KCNJ3: variants seen among roughly 807,000 people sequenced by gnomAD.
The protein encoded by KCNJ3 is potassium inwardly rectifying channel subfamily J member 3.
In KCNJ3, 4 loss-of-function variants were observed where a neutral mutation model predicts 39.2. That is an observed-to-expected ratio of 0.10 (90% confidence interval 0.05 to 0.23). The LOEUF (loss-of-function observed/expected upper bound fraction) is 0.23, where lower values mean the gene tolerates loss of function less well. Ranked by LOEUF, KCNJ3 falls within the 10% of genes least tolerant of loss-of-function variation. The pLI, the probability that KCNJ3 is intolerant of heterozygous loss-of-function variation, is 1.00. For missense variants in KCNJ3, 276 were observed against 634.9 expected, an observed-to-expected ratio of 0.43 and a Z score of 6.08; for synonymous variants, 230 against 237.4, an observed-to-expected ratio of 0.97 and a Z score of 0.29.
intron 2 of KCNJ3, among the ~76,000 whole-genome samples, chr2:154,845,037 A>C (rs1398066082): frequency 6.6e-6 from 1 of 152,208 alleles, no homozygotes; most frequent in Admixed American, 6.5e-5. Context: ...TGCGTTGATC[A>C]CATTGGGAGC....
At position 154,736,374 on chromosome 2, in the gene KCNJ3, T is replaced by TAAAAAAAAAAAAAAAAAAAAAAAAAA. The variant is rs70983745; in HGVS notation, c.919+26570_919+26595dup. ...AGAGAGTGACAGGAGTCACTAGTTC[T>TAAAAAAAAAAAAAAAAAAAAAAAAAA]AAAAAAAAAAAAAAAAAAAAAAAAA... On this transcript the variant is annotated intron_variant, in intron 2 of 2. Coordinates refer to ENST00000295101, the MANE Select transcript of KCNJ3 (RefSeq NM_002239.4). Among the ~76,000 whole-genome samples the TAAAAAAAAAAAAAAAAAAAAAAAAAA allele has an allele frequency of 3.2e-5, 3 of 93,228 alleles. 1 individual carries two copies. Among genetic ancestry groups the TAAAAAAAAAAAAAAAAAAAAAAAAAA allele is most frequent in the African/African-American group, 1.2e-4 (3 of 25,580 alleles). The allele number at this position is 93,228 out of a possible 152,430, so 61.2% of individuals were successfully genotyped here. A position where few individuals can be genotyped will look rare whatever the true frequency, so the allele number is the denominator to read the frequency against.
intron 2 of KCNJ3, among the ~76,000 whole-genome samples, chr2:154,844,639 C>T (rs748477001): frequency 4.0e-5 from 6 of 151,258 alleles, no homozygotes; most frequent in Admixed American, 1.3e-4. Context: ...TTTATCTACT[C>T]AAGCCTCAGC....
At chr2:154,741,236 C>G (rs1328983565) in intron 2 of KCNJ3, among the ~76,000 whole-genome samples, 1 of 151,908 alleles carries the variant, frequency 6.6e-6, no homozygotes, top group Non-Finnish European at 1.5e-5. Context: ...AGTCACACAG[C>G]TAGTTAATGG....
At chr2:154,788,796 A>G (rs1686579390) in intron 2 of KCNJ3, among the ~76,000 whole-genome samples, 1 of 151,822 alleles carries the variant, frequency 6.6e-6, no homozygotes, top group African/African-American at 2.4e-5. Flanking sequence ...AAAGAAACTC[A>G]GGTGTAAGAA....
At chr2:154,796,010 T>A (rs1004981755) in intron 2 of KCNJ3, among the ~76,000 whole-genome samples, 2 of 152,162 alleles carry the variant, frequency 1.3e-5, no homozygotes, top group Non-Finnish European at 2.9e-5. Flanking sequence ...AGTGTTCTTT[T>A]CTTTCCCCCT....
At chr2:154,794,368 G>C (rs1003979817) in intron 2 of KCNJ3, among the ~76,000 whole-genome samples, 2 of 151,848 alleles carry the variant, frequency 1.3e-5, no homozygotes, top group African/African-American at 4.8e-5. Flanking sequence ...CTTGCAAAAT[G>C]TTAACATTTT....
intron 1 of KCNJ3, among the ~76,000 whole-genome samples, chr2:154,703,218 T>C (rs1425989466): frequency 6.6e-6 from 1 of 152,022 alleles, no homozygotes; most frequent in Non-Finnish European, 1.5e-5. Flanking sequence ...TCAGCACACA[T>C]TTTTTACATA....
intron 2 of KCNJ3, among the ~76,000 whole-genome samples, chr2:154,828,418 G>A (rs1045384201): frequency 2.6e-5 from 4 of 152,214 alleles, no homozygotes; most frequent in Admixed American, 6.5e-5. Flanking sequence ...TGGGAGTGGG[G>A]AAGGTTGAGT....
intron 2 of KCNJ3, among the ~76,000 whole-genome samples, chr2:154,769,604 G>T (rs1025919353): frequency 6.6e-6 from 1 of 152,076 alleles, no homozygotes; most frequent in Non-Finnish European, 1.5e-5. Flanking sequence ...TTTTATTGAG[G>T]TTTTTGTGTC....
intron 2 of KCNJ3, among the ~76,000 whole-genome samples, chr2:154,830,517 G>A (rs1396993715): frequency 1.3e-5 from 2 of 152,230 alleles, no homozygotes; most frequent in Non-Finnish European, 1.5e-5. Context: ...CGCTTCGTGT[G>A]TTTCAAACTT....
chr2:154,731,979 C>T (rs1685456369), intron 2 of KCNJ3, among the ~76,000 whole-genome samples: 1 of 151,518 alleles, frequency 6.6e-6, no homozygotes, highest in African/African-American at 2.4e-5. Flanking sequence ...TGTTAAAATA[C>T]ACCTTTTGTT....
At chr2:154,705,087 C>A (rs972782224) in intron 1 of KCNJ3, among the ~76,000 whole-genome samples, 2 of 152,138 alleles carry the variant, frequency 1.3e-5, no homozygotes, top group Admixed American at 6.5e-5. Flanking sequence ...AGAGGTAAAT[C>A]TATAGTGTAG....
chr2:154,827,536 A>G (rs980183024), intron 2 of KCNJ3, among the ~76,000 whole-genome samples: 1 of 152,060 alleles, frequency 6.6e-6, no homozygotes, highest in African/African-American at 2.4e-5. Flanking sequence ...AAGTAGGAAG[A>G]GACAGGGACC....
intron 2 of KCNJ3, among the ~76,000 whole-genome samples, chr2:154,770,919 C>G (rs935558620): frequency 9.2e-6 from 1 of 108,790 alleles, no homozygotes; most frequent in African/African-American, 3.5e-5. Context: ...GAGATGGAGT[C>G]TTTCTCTGTT....
At position 154,807,882 on chromosome 2, in the gene KCNJ3, G is replaced by A. The variant is rs192688213; in HGVS notation, c.920-46845G>A. ...GCTCTGAAAGACAAAAAGATCGTTA[G>A]TGTCTCTCCCCACTCTATCCCTCTT... On this transcript the variant is annotated intron_variant, in intron 2 of 2. Transcript: ENST00000295101. 3.5e-3 allele frequency among the ~76,000 whole-genome samples: 529 copies of A among 152,138 alleles called. 2 individuals carry two copies. Among genetic ancestry groups the A allele is most frequent in the Middle Eastern group, 6.8e-3 (2 of 294 alleles).
chr2:154,720,118 C>A (rs958074230), intron 2 of KCNJ3, among the ~76,000 whole-genome samples: 3 of 151,894 alleles, frequency 2.0e-5, no homozygotes, highest in Non-Finnish European at 4.4e-5. Context: ...ACTGGAACAT[C>A]TTAATATTTA....
intron 2 of KCNJ3, among the ~76,000 whole-genome samples, chr2:154,732,807 C>T (rs1001200247): frequency 3.9e-5 from 6 of 152,078 alleles, no homozygotes; most frequent in Admixed American, 1.3e-4. Flanking sequence ...GGCAAGATAT[C>T]ATTCAAAATC....
chr2:154,725,930 C>T (rs1044610677), intron 2 of KCNJ3, among the ~76,000 whole-genome samples: 1 of 152,092 alleles, frequency 6.6e-6, no homozygotes. Context: ...AAACTTGATC[C>T]TCATCTCTCA....
intron 2 of KCNJ3, among the ~76,000 whole-genome samples, chr2:154,804,143 AAAT>A (rs1310914570): frequency 6.6e-6 from 1 of 152,104 alleles, no homozygotes; most frequent in Non-Finnish European, 1.5e-5. Flanking sequence ...AAATAGATAA[AAAT>A]AATATCTGTT....
Sources: allele counts gnomAD v4.1 joint callset (sites outside exome capture counted in the v4.1 genomes callset), GRCh38; gene constraint gnomAD v4.1.1; transcripts MANE v1.5; gene names NCBI Gene and HGNC (gene_info 2026-07-23, HGNC 2026-07-21).